Variants in SGCD observed in about 807,000 individuals in gnomAD.
The protein encoded by SGCD is sarcoglycan delta, also known as delta-sarcoglycan.
In SGCD, 18 loss-of-function variants were observed where a neutral mutation model predicts 36.6. The ratio of observed to expected loss-of-function variants is 0.49; its 90% CI spans 0.34 to 0.73. The LOEUF (loss-of-function observed/expected upper bound fraction) is 0.73, where lower values mean the gene tolerates loss of function less well. SGCD is among the 30% of genes least tolerant of loss of function. The pLI is 0.01. For missense variants in SGCD, 387 were observed against 346.7 expected (o/e 1.12, Z -0.92); for synonymous variants, 133 against 130.6 (o/e 1.02, Z -0.12).
intron 1 of SGCD, among the ~76,000 whole-genome samples, chr5:156,043,447 AG>A (rs2127578881): frequency 6.6e-6 from 1 of 152,256 alleles, no homozygotes; most frequent in East Asian, 1.9e-4. Context: ...CTAATTTCTC[AG>A]GGGTTTGGCA....
intron 7 of SGCD, among the ~76,000 whole-genome samples, chr5:156,678,147 C>T (rs1212637788): frequency 1.3e-5 from 2 of 152,092 alleles, no homozygotes; most frequent in African/African-American, 4.8e-5. Flanking sequence ...GCCTGTGGTG[C>T]CAGATGATAC....
chr5:156,433,112 T>C (rs1300513546), intron 3 of SGCD, among the ~76,000 whole-genome samples: 2 of 152,184 alleles, frequency 1.3e-5, no homozygotes, highest in Non-Finnish European at 2.9e-5. Flanking sequence ...TTTTTGTGAC[T>C]TACAACAAAT....
At chr5:156,210,707 A>T (rs1453896853) in intron 3 of SGCD, among the ~76,000 whole-genome samples, 1 of 151,688 alleles carries the variant, frequency 6.6e-6, no homozygotes, top group Non-Finnish European at 1.5e-5. Flanking sequence ...AAGCAAAATT[A>T]ATCAAGCAGA....
At position 155,870,617 on chromosome 5, in the gene SGCD, G is replaced by C. The variant is rs140229971; in HGVS notation, c.-282+193G>C. 1.7e-3 allele frequency among the ~76,000 whole-genome samples: 258 copies of C among 152,204 alleles called. 2 individuals are homozygous for C. The highest frequency in any genetic ancestry group is 5.9e-3 in the African/African-American group (247 of 41,546). ...GAAGAATCAAAGATTTTAATATTCTGATGATTGTATTCTCTGCCTCATTCT... is the reference window on the plus strand; with the variant it reads ...GAAGAATCAAAGATTTTAATATTCTCATGATTGTATTCTCTGCCTCATTCT... On this transcript the variant is annotated intron_variant, in intron 1 of 9. Transcript: ENST00000517913.
chr5:156,718,982 AACCCCTCCTT>A (rs1489644688), intron 7 of SGCD, among the ~76,000 whole-genome samples: 1 of 152,094 alleles, frequency 6.6e-6, no homozygotes, highest in Non-Finnish European at 1.5e-5. Flanking sequence ...TCTACTGCCT[AACCCCTCCTT>A]ACCCTTGATG....
At chr5:155,773,500 A>T in the SGCD span, among the ~76,000 whole-genome samples, 1 of 152,018 alleles carries the variant, frequency 6.6e-6, no homozygotes, top group Non-Finnish European at 1.5e-5. Context: ...TCTTTAATAA[A>T]CTTCTTTAAA....
At chr5:156,621,384 G>A (rs1336979817) in intron 6 of SGCD, among the ~76,000 whole-genome samples, 1 of 152,060 alleles carries the variant, frequency 6.6e-6, no homozygotes, top group African/African-American at 2.4e-5. Flanking sequence ...GTAGAGACGG[G>A]GTTTCACCGT....
the SGCD span, among the ~76,000 whole-genome samples, chr5:155,750,698 C>T: frequency 6.6e-6 from 1 of 152,114 alleles, no homozygotes; most frequent in African/African-American, 2.4e-5. Flanking sequence ...AATGTTTGAG[C>T]AGTTAGGGAT....
chr5:156,681,781 GTCA>G (rs1229067096), intron 7 of SGCD, among the ~76,000 whole-genome samples: 2 of 152,214 alleles, frequency 1.3e-5, no homozygotes, highest in African/African-American at 4.8e-5. Context: ...CTCTACCATA[GTCA>G]TCATTAGAAT....
intron 4 of SGCD, among the ~76,000 whole-genome samples, chr5:156,574,968 G>T (rs1444183561): frequency 6.6e-6 from 1 of 152,132 alleles, no homozygotes; most frequent in African/African-American, 2.4e-5. Flanking sequence ...AGAATGTGTG[G>T]GGGCCAGCCA....
intron 6 of SGCD, among the ~76,000 whole-genome samples, chr5:156,637,026 T>C (rs779393731): frequency 6.6e-6 from 1 of 152,104 alleles, no homozygotes; most frequent in Non-Finnish European, 1.5e-5. Context: ...TCATCTTGAA[T>C]TGTAGTTCCC....
At chr5:156,449,677 CAAAAAAAAAAA>C (rs397883573) in intron 3 of SGCD, among the ~76,000 whole-genome samples, 3 of 46,056 alleles carry the variant, frequency 6.5e-5, no homozygotes, top group East Asian at 7.5e-4. Flanking sequence ...ACTAAAAATA[CAAAAAAAAAAA>C]AAAAAAAAAA....
the SGCD span, among the ~76,000 whole-genome samples, chr5:155,755,163 T>C: frequency 6.6e-6 from 1 of 152,178 alleles, no homozygotes; most frequent in Non-Finnish European, 1.5e-5. Flanking sequence ...TATCATAGCT[T>C]ATGGAGAAAT....
chr5:155,883,316 G>C (rs948363368), intron 1 of SGCD, among the ~76,000 whole-genome samples: 1 of 152,108 alleles, frequency 6.6e-6, no homozygotes, highest in Non-Finnish European at 1.5e-5. Flanking sequence ...TTTACAACTT[G>C]GCTGTTTGGT....
At chr5:155,810,563 T>C in the SGCD span, among the ~76,000 whole-genome samples, 2 of 152,120 alleles carry the variant, frequency 1.3e-5, no homozygotes, top group Non-Finnish European at 2.9e-5. Context: ...TTTATGTTAG[T>C]TGTCTTTAAT....
chr5:156,332,836 C>T (rs1394606), intron 2 of SGCD, among the ~76,000 whole-genome samples: 13,759 of 152,180 alleles, frequency 0.09, 812 homozygotes, highest in Middle Eastern at 0.18. Flanking sequence ...AGAATTTTCT[C>T]GGGTGATAGA....
At chr5:156,540,255 C>T (rs1382549420) in intron 4 of SGCD, among the ~76,000 whole-genome samples, 2 of 152,062 alleles carry the variant, frequency 1.3e-5, no homozygotes, top group Admixed American at 6.6e-5. Context: ...TTCTATGGTT[C>T]CTAGCTCCCC....
chr5:156,093,053 C>T (rs1761284977), intron 1 of SGCD, among the ~76,000 whole-genome samples: 1 of 152,226 alleles, frequency 6.6e-6, no homozygotes, highest in South Asian at 2.1e-4. Context: ...AGGGAGCCTC[C>T]AGATATCTCT....
chr5:156,109,243 G>A (rs1761724586), intron 1 of SGCD, among the ~76,000 whole-genome samples: 1 of 152,060 alleles, frequency 6.6e-6, no homozygotes, highest in Admixed American at 6.6e-5. Context: ...TCTTCTACTG[G>A]AAACATTCTT....
Sources: allele counts gnomAD v4.1 joint callset (sites outside exome capture counted in the v4.1 genomes callset), GRCh38; gene constraint gnomAD v4.1.1; transcripts MANE v1.5; gene names NCBI Gene and HGNC (gene_info 2026-07-23, HGNC 2026-07-21).